NELL1: variants seen among roughly 807,000 people sequenced by gnomAD.
NELL1 encodes protein kinase C-binding protein NELL1.
A neutral mutation model predicts 107.4 loss-of-function variants in NELL1; 76 were observed. That is an observed-to-expected ratio of 0.71 (90% confidence interval 0.59 to 0.86). The LOEUF (loss-of-function observed/expected upper bound fraction) is 0.86. NELL1 is among the 40% of genes least tolerant of loss of function. The pLI is 0.00. For synonymous variants in NELL1, 353 were observed against 341.2 expected (o/e 1.03, Z -0.38); for missense variants, 1,024 against 1,005.5 (o/e 1.02, Z -0.25).
chr11:21,293,220 C>A (rs969620473), intron 14 of NELL1, among the ~76,000 whole-genome samples: 10 of 151,802 alleles, frequency 6.6e-5, no homozygotes, highest in African/African-American at 2.4e-4. Context: ...GGAACTTAAA[C>A]AAATTTACAA....
intron 15 of NELL1, among the ~76,000 whole-genome samples, chr11:21,496,943 A>C (rs192908710): frequency 0.015 from 2,317 of 152,126 alleles, 59 homozygotes; most frequent in African/African-American, 0.052. Context: ...ATGTCCCTAC[A>C]AAGGACATGA....
intron 5 of NELL1, among the ~76,000 whole-genome samples, chr11:20,917,464 C>A (rs1850281912): frequency 6.6e-6 from 1 of 151,924 alleles, no homozygotes; most frequent in Non-Finnish European, 1.5e-5. Context: ...AGAATAAGCT[C>A]AGTATTCTGA....
Position 20,975,818 on chromosome 11 carries a change from A to ATGTATTATATATGTACATATG in NELL1, c.1300+15271_1300+15291dup, listed in dbSNP as rs1366816545. On this transcript the variant is annotated intron_variant, in intron 12 of 19. Transcript: ENST00000357134. ...GTATTATATGATATACATATTATAT[A>ATGTATTATATATGTACATATG]TGTATTATATATGTACATATGTGTA... is the stretch of plus-strand genomic sequence containing the variant. Among the ~76,000 whole-genome samples the ATGTATTATATATGTACATATG allele has an allele frequency of 1.2e-4, 15 of 128,602 alleles. 1 individual carries two copies. Among genetic ancestry groups the ATGTATTATATATGTACATATG allele is most frequent in the Non-Finnish European group, 2.1e-4 (14 of 65,178 alleles). The allele number at this position is 128,602 out of a possible 152,430, so 84.4% of individuals were successfully genotyped here. A position where few individuals can be genotyped will look rare whatever the true frequency, so the allele number is the denominator to read the frequency against.
intron 2 of NELL1, among the ~76,000 whole-genome samples, chr11:20,773,016 G>C (rs1463157344): frequency 3.3e-5 from 5 of 152,220 alleles, no homozygotes; most frequent in Non-Finnish European, 5.9e-5. Flanking sequence ...GCTGGACTTA[G>C]ATTGGAGTGG....
chr11:20,719,285 G>A (rs1394777689), intron 2 of NELL1, among the ~76,000 whole-genome samples: 1 of 152,176 alleles, frequency 6.6e-6, no homozygotes, highest in Non-Finnish European at 1.5e-5. Flanking sequence ...AGGATCCTGT[G>A]ATGTGTCTTT....
intron 3 of NELL1, among the ~76,000 whole-genome samples, chr11:20,805,102 C>T (rs968867817): frequency 4.6e-5 from 7 of 152,078 alleles, no homozygotes; most frequent in Admixed American, 3.9e-4. Context: ...CTGTTCTTTT[C>T]TGGTTTCCAT....
At chr11:20,715,374 T>A (rs1855225378) in intron 2 of NELL1, among the ~76,000 whole-genome samples, 1 of 151,992 alleles carries the variant, frequency 6.6e-6, no homozygotes, top group Admixed American at 6.6e-5. Flanking sequence ...TCAGCCTTCC[T>A]ATACAGGTAC....
chr11:21,437,668 C>T (rs751602387), intron 15 of NELL1, among the ~76,000 whole-genome samples: 4 of 152,162 alleles, frequency 2.6e-5, no homozygotes, highest in East Asian at 1.9e-4. Flanking sequence ...TGAGCTTCAT[C>T]TCTTTTCATG....
At chr11:20,923,146 C>T (rs533780634) in intron 7 of NELL1, among the ~76,000 whole-genome samples, 2 of 152,200 alleles carry the variant, frequency 1.3e-5, no homozygotes, top group Non-Finnish European at 2.9e-5. Flanking sequence ...AGGTGGAAAC[C>T]CTGGAGCCCT....
At chr11:21,561,977 C>A (rs1328273683) in intron 17 of NELL1, among the ~76,000 whole-genome samples, 1 of 151,936 alleles carries the variant, frequency 6.6e-6, no homozygotes, top group Non-Finnish European at 1.5e-5. Flanking sequence ...GGGGTGAATT[C>A]TTTGCTAGGT....
At chr11:21,385,608 TC>T (rs1420437339) in intron 15 of NELL1, among the ~76,000 whole-genome samples, 1 of 151,846 alleles carries the variant, frequency 6.6e-6, no homozygotes, top group Non-Finnish European at 1.5e-5. Flanking sequence ...AGTCTTCAAG[TC>T]CCCAGTCTTA....
At chr11:20,793,185 A>C (rs1409049873) in intron 3 of NELL1, among the ~76,000 whole-genome samples, 1 of 151,920 alleles carries the variant, frequency 6.6e-6, no homozygotes, top group East Asian at 1.9e-4. Context: ...TTCATTTTCC[A>C]CTTCTTTTGT....
chr11:21,175,269 G>A (rs1856688264), intron 13 of NELL1, among the ~76,000 whole-genome samples: 1 of 151,712 alleles, frequency 6.6e-6, no homozygotes, highest in Non-Finnish European at 1.5e-5. Flanking sequence ...TTTGGTGTCT[G>A]GGCCTTTCTG....
At chr11:21,554,519 A>G (rs1184282417) in intron 16 of NELL1, among the ~76,000 whole-genome samples, 1 of 151,856 alleles carries the variant, frequency 6.6e-6, no homozygotes, top group Non-Finnish European at 1.5e-5. Flanking sequence ...GAGTGGTGGT[A>G]CAGATTTGAG....
At position 20,677,863 on chromosome 11, in the gene NELL1, A is replaced by C. The variant is rs887915655; in HGVS notation, c.56-69A>C. The stretch of plus-strand genomic sequence containing the variant: ...TCCTTGTATTCCCTGCCACTCCCCG[A>C]CTCTGTAACCTCTGAATGCTAGTAA... On this transcript the variant is annotated intron_variant, in intron 1 of 19. Transcript: ENST00000357134. The C allele has an allele frequency of 5.0e-6, 8 of 1,585,454 alleles. No individual in the cohort carries two copies. In the Admixed American group the frequency reaches 1.3e-4, roughly 27 times the overall value.
chr11:20,955,376 T>A (rs1477991539), intron 11 of NELL1, among the ~76,000 whole-genome samples: 1 of 152,192 alleles, frequency 6.6e-6, no homozygotes, highest in African/African-American at 2.4e-5. Context: ...CCTCTTTCAC[T>A]TTTCATAACC....
chr11:21,275,722 T>C (rs1848840884), intron 14 of NELL1, among the ~76,000 whole-genome samples: 2 of 152,224 alleles, frequency 1.3e-5, no homozygotes, highest in African/African-American at 4.8e-5. Context: ...GGGCTTCATC[T>C]CTGGGATGCA....
intron 2 of NELL1, among the ~76,000 whole-genome samples, chr11:20,753,359 TA>T (rs1856186928): frequency 6.6e-6 from 1 of 152,204 alleles, no homozygotes; most frequent in Admixed American, 6.5e-5. Flanking sequence ...TTAAAGAAAT[TA>T]AACAGATGGT....
chr11:20,886,460 C>T (rs139416876), intron 5 of NELL1, among the ~76,000 whole-genome samples: 24 of 151,616 alleles, frequency 1.6e-4, no homozygotes, highest in African/African-American at 5.6e-4. Flanking sequence ...CGATAAAATA[C>T]CACAAAAATA....
Sources: gnomAD v4.1 joint callset for allele counts (sites outside exome capture counted in the v4.1 genomes callset) on GRCh38, gnomAD v4.1.1 for gene constraint, MANE v1.5 for transcripts, NCBI Gene and HGNC (gene_info 2026-07-23, HGNC 2026-07-21) for gene names.